The following ASPH variants were observed in gnomAD, a reference collection of about 807,000 sequenced individuals.
ASPH encodes aspartyl/asparaginyl beta-hydroxylase.
ASPH carries 100 observed loss-of-function variants against 118.4 expected under a neutral mutation model. The observed-to-expected ratio is 0.84, with a 90% CI of 0.72 to 1.00. The LOEUF (loss-of-function observed/expected upper bound fraction) is 1.00. Among genes scored for constraint, ASPH ranks in the 50% least tolerant of loss-of-function variants. The probability of loss-of-function intolerance (pLI) is 0.00; values close to 1 mark genes in which losing one functional copy is unlikely to be tolerated. For missense variants in ASPH, 920 were observed against 919.5 expected (o/e 1.00, Z -0.01); for synonymous variants, 315 against 325.6 (o/e 0.97, Z 0.35).
intron 13 of ASPH, among the ~76,000 whole-genome samples, chr8:61,621,884 A>G (rs567245893): frequency 9.2e-5 from 14 of 152,244 alleles, no homozygotes; most frequent in Non-Finnish European, 1.5e-4. Context: ...AAATATTCGT[A>G]TTCAGAAAAA....
Position 61,502,867 on chromosome 8 carries a change from T to A in ASPH, c.*492A>T, listed in dbSNP as rs573534927. On this transcript the variant is annotated 3_prime_UTR_variant, in exon 25 of 25. Coordinates refer to ENST00000379454, the MANE Select transcript of ASPH (RefSeq NM_004318.4). ...GAGGGAAGTCTGAGTTCCCCAGTAA[T>A]GCTACCATTAAATAGCTAGAAGTAA... 1 of 152,364 alleles carries A rather than the reference T, an allele frequency of 6.6e-6. No homozygotes were observed. The highest frequency in any genetic ancestry group is 2.1e-4 in the South Asian group (1 of 4,822). 9.4% of individuals were successfully genotyped at this position (152,364 alleles called of 1,614,324 possible).
chr8:61,624,958 C>T, intron 13 of ASPH: 2 of 984,958 alleles, frequency 2.0e-6, no homozygotes, highest in African/African-American at 1.7e-5. Flanking sequence ...CCATGCAGGA[C>T]TCACTACATT....
At chr8:61,570,846 T>G (rs1833273152) in intron 16 of ASPH, among the ~76,000 whole-genome samples, 1 of 152,202 alleles carries the variant, frequency 6.6e-6, no homozygotes, top group African/African-American at 2.4e-5. Flanking sequence ...CTCAAAGGCA[T>G]TAATGGTTTG....
At chr8:61,712,788 T>C (rs1838352212) in intron 1 of ASPH, among the ~76,000 whole-genome samples, 1 of 152,250 alleles carries the variant, frequency 6.6e-6, no homozygotes, top group African/African-American at 2.4e-5. Context: ...ATAAAGTGAC[T>C]TCCCTCAGAT....
At chr8:61,540,318 T>C (rs1251417815) in intron 21 of ASPH, among the ~76,000 whole-genome samples, 4 of 152,166 alleles carry the variant, frequency 2.6e-5, no homozygotes, top group Non-Finnish European at 5.9e-5. Flanking sequence ...TCATCAACGG[T>C]TCAGTACCAT....
At chr8:61,621,364 A>G (rs1850881360) in intron 13 of ASPH, among the ~76,000 whole-genome samples, 1 of 151,156 alleles carries the variant, frequency 6.6e-6, no homozygotes, top group Non-Finnish European at 1.5e-5. Context: ...AAGAAAATAC[A>G]CAGAGAATAC....
chr8:61,675,878 T>C (rs1341815059), intron 3 of ASPH: 1 of 1,384,826 alleles, frequency 7.2e-7, no homozygotes, highest in East Asian at 2.6e-5. Flanking sequence ...TACCATTTTC[T>C]TCAATAGAAG....
chr8:61,601,557 GAA>G (rs796173074), intron 14 of ASPH, among the ~76,000 whole-genome samples: 1 of 109,190 alleles, frequency 9.2e-6, no homozygotes, highest in African/African-American at 3.4e-5. Flanking sequence ...GAGAGAGAGA[GAA>G]AAAAAAAAAA....
chr8:61,581,480 C>T (rs536513510), intron 15 of ASPH, among the ~76,000 whole-genome samples: 1 of 152,362 alleles, frequency 6.6e-6, no homozygotes, highest in South Asian at 2.1e-4. Flanking sequence ...TACATTCCTG[C>T]AGCTGCATGG....
intron 14 of ASPH, among the ~76,000 whole-genome samples, chr8:61,603,615 C>A (rs1844746757): frequency 6.6e-6 from 1 of 152,186 alleles, no homozygotes; most frequent in African/African-American, 2.4e-5. Flanking sequence ...AATGTGTGAC[C>A]ATTTTCAAAC....
At chr8:61,516,407 C>T (rs1810933151) in intron 24 of ASPH, among the ~76,000 whole-genome samples, 1 of 152,170 alleles carries the variant, frequency 6.6e-6, no homozygotes, top group Admixed American at 6.5e-5. Flanking sequence ...ACGGCCCCTT[C>T]TGAGTCATCT....
At chr8:61,674,403 G>A (rs1316031434) in intron 3 of ASPH, among the ~76,000 whole-genome samples, 1 of 152,132 alleles carries the variant, frequency 6.6e-6, no homozygotes, top group Non-Finnish European at 1.5e-5. Context: ...TTGAATATTT[G>A]GAAACAGAAG....
intron 24 of ASPH, among the ~76,000 whole-genome samples, chr8:61,513,533 T>C (rs994813746): frequency 1.3e-5 from 2 of 152,190 alleles, no homozygotes; most frequent in Non-Finnish European, 2.9e-5. Flanking sequence ...CCAGCAGTCA[T>C]GGTGAGGCAG....
At chr8:61,648,335 G>A (rs754674228) in intron 5 of ASPH, among the ~76,000 whole-genome samples, 5 of 152,230 alleles carry the variant, frequency 3.3e-5, no homozygotes, top group African/African-American at 4.8e-5. Context: ...TCCCTTTAGC[G>A]TGGCAAGGCA....
At chr8:61,587,686 G>A (rs1839868646) in intron 14 of ASPH, among the ~76,000 whole-genome samples, 1 of 152,158 alleles carries the variant, frequency 6.6e-6, no homozygotes, top group South Asian at 2.1e-4. Context: ...AAATCTCACA[G>A]CATGCCACCA....
rs199564912 is a variant in ASPH at position 61,599,349 on chromosome 8, T to C, written c.977-15320A>G. 4.9e-4 allele frequency among the ~76,000 whole-genome samples: 74 copies of C among 151,724 alleles called. No homozygotes were observed. In the East Asian group the frequency reaches 0.012, roughly 25 times the overall value. ...GTCGGGGGAGTGAGGAGGGATAGCATTAGGAGATATACCTAGTGTAAATGA... is the reference window on the plus strand; with the variant it reads ...GTCGGGGGAGTGAGGAGGGATAGCACTAGGAGATATACCTAGTGTAAATGA... On this transcript the variant is annotated intron_variant, in intron 14 of 24. Coordinates refer to ENST00000379454, the MANE Select transcript of ASPH (RefSeq NM_004318.4).
At chr8:61,691,092 A>G (rs1429818919) in intron 1 of ASPH, among the ~76,000 whole-genome samples, 1 of 152,142 alleles carries the variant, frequency 6.6e-6, no homozygotes. Context: ...ACAAAACACT[A>G]AATTATAGAA....
At chr8:61,583,341 C>T (rs1398068657) in intron 15 of ASPH, 3 of 152,198 alleles carry the variant, frequency 2.0e-5, no homozygotes, top group Non-Finnish European at 2.9e-5. Context: ...GGGTGGATCA[C>T]TTGAGGTCAG....
chr8:61,575,613 A>G (rs962744782), intron 16 of ASPH, among the ~76,000 whole-genome samples: 1 of 152,212 alleles, frequency 6.6e-6, no homozygotes, highest in African/African-American at 2.4e-5. Flanking sequence ...ATATTTGTTA[A>G]TAATTAAAAA....
Sources: allele counts gnomAD v4.1 joint callset (sites outside exome capture counted in the v4.1 genomes callset), GRCh38; gene constraint gnomAD v4.1.1; transcripts MANE v1.5; gene names NCBI Gene and HGNC (gene_info 2026-07-23, HGNC 2026-07-21).